The following WWOX variants were observed in gnomAD, a reference collection of about 807,000 sequenced individuals.
The protein encoded by WWOX is WW domain-containing oxidoreductase.
Under a neutral mutation model 46.2 loss-of-function variants are expected in WWOX, and 69 were observed. That is an observed-to-expected ratio of 1.49 (90% CI 1.23 to 1.82). WWOX has a LOEUF of 1.82. WWOX is among the 40% of genes most tolerant of loss of function. WWOX has a pLI of 0.00. For missense variants in WWOX, 919 were observed against 542.6 expected, an observed-to-expected ratio of 1.69 and a Z score of -6.89; for synonymous variants, 359 against 202.6, an observed-to-expected ratio of 1.77 and a Z score of -6.56.
In WWOX at chr16:79,100,829, A is replaced by G. The variant is rs565110077; in HGVS notation, c.1057-110779A>G. On this transcript the variant is annotated intron_variant, in intron 8 of 8. Transcript: ENST00000566780. ...ATTTTCCAGTCTCCCCGTGGAGCAC[A>G]CGAGATCCTTTTAGAGCAGAGGGCA... Among the ~76,000 whole-genome samples the G allele has an allele frequency of 2.0e-5, 3 of 152,144 alleles. No individual in the cohort carries two copies. The South Asian group carries it at 6.2e-4, about 32-fold the overall frequency.
At chr16:78,322,778 C>T (rs1295462429) in intron 5 of WWOX, among the ~76,000 whole-genome samples, 1 of 152,180 alleles carries the variant, frequency 6.6e-6, no homozygotes, top group Non-Finnish European at 1.5e-5. Flanking sequence ...GCAACTGTTC[C>T]ACTTTGTCAC....
intron 8 of WWOX, among the ~76,000 whole-genome samples, chr16:78,544,518 C>T (rs1432707372): frequency 5.9e-5 from 9 of 152,126 alleles, no homozygotes; most frequent in Non-Finnish European, 1.3e-4. Context: ...TTGTAATTCC[C>T]ATGCAGAACT....
chr16:78,110,078 A>G (rs2032402083), intron 3 of WWOX, among the ~76,000 whole-genome samples: 1 of 151,744 alleles, frequency 6.6e-6, no homozygotes. Flanking sequence ...ATGGTGGCTC[A>G]TGCCTGTAAT....
intron 8 of WWOX, among the ~76,000 whole-genome samples, chr16:78,734,646 C>G (rs1279529428): frequency 6.6e-6 from 1 of 151,828 alleles, no homozygotes; most frequent in Non-Finnish European, 1.5e-5. Context: ...CATGTTTGGT[C>G]AAACATCACT....
intron 8 of WWOX, among the ~76,000 whole-genome samples, chr16:78,870,433 A>G (rs919029520): frequency 2.6e-5 from 4 of 152,018 alleles, no homozygotes; most frequent in African/African-American, 9.7e-5. Context: ...ATGACCTGCC[A>G]TCATGGGGAT....
chr16:79,149,990 C>A (rs1221994322), intron 8 of WWOX, among the ~76,000 whole-genome samples: 1 of 152,104 alleles, frequency 6.6e-6, no homozygotes, highest in East Asian at 1.9e-4. Flanking sequence ...CACAAAAGAG[C>A]CCATTTATGT....
intron 4 of WWOX, among the ~76,000 whole-genome samples, chr16:78,127,272 C>A (rs182285200): frequency 6.6e-6 from 1 of 152,124 alleles, no homozygotes; most frequent in African/African-American, 2.4e-5. Flanking sequence ...CGTTTAATAA[C>A]GTGTAGCCAT....
At chr16:78,533,410 C>G (rs1215247836) in intron 8 of WWOX, among the ~76,000 whole-genome samples, 1 of 52,028 alleles carries the variant, frequency 1.9e-5, no homozygotes. Flanking sequence ...TGTTGATGAG[C>G]TAAAAAAAAA....
intron 5 of WWOX, among the ~76,000 whole-genome samples, chr16:78,299,944 G>A (rs2080010600): frequency 6.6e-6 from 1 of 152,158 alleles, no homozygotes; most frequent in South Asian, 2.1e-4. Context: ...GGACCATCTT[G>A]CCGAGTCCAA....
At chr16:78,403,421 A>T (rs966154103) in intron 6 of WWOX, among the ~76,000 whole-genome samples, 7 of 152,254 alleles carry the variant, frequency 4.6e-5, no homozygotes, top group African/African-American at 1.7e-4. Context: ...TGCATCCATG[A>T]TACTGCAGAA....
At chr16:78,626,733 A>G (rs1486664577) in intron 8 of WWOX, among the ~76,000 whole-genome samples, 2 of 152,132 alleles carry the variant, frequency 1.3e-5, no homozygotes, top group Admixed American at 6.5e-5. Context: ...TCGAGGGTAG[A>G]GTATCTGCAT....
chr16:78,235,418 C>G lies in WWOX; in HGVS notation c.516+71129C>G, dbSNP rs563310960. On this transcript the variant is annotated intron_variant, in intron 5 of 8. Coordinates refer to ENST00000566780, the MANE Select transcript of WWOX (RefSeq NM_016373.4). ...AGGGAGTGGAGGTGCACTCAGGATG[C>G]TCTTGGGGAATCATAAAGGAGGTTA... Among the ~76,000 whole-genome samples, 97 of 152,216 alleles carry G rather than the reference C, an allele frequency of 6.4e-4. 1 individual carries two copies. Among genetic ancestry groups the G allele is most frequent in the African/African-American group, 2.3e-3 (95 of 41,532 alleles).
chr16:78,461,386 C>G (rs1480268485), intron 8 of WWOX, among the ~76,000 whole-genome samples: 1 of 151,542 alleles, frequency 6.6e-6, no homozygotes, highest in Non-Finnish European at 1.5e-5. Context: ...AACAAACAAA[C>G]AAAAAATAGG....
intron 8 of WWOX, among the ~76,000 whole-genome samples, chr16:78,530,044 C>T (rs1037761495): frequency 6.6e-6 from 1 of 152,136 alleles, no homozygotes; most frequent in African/African-American, 2.4e-5. Flanking sequence ...ACTGCACTCA[C>T]TTGAACCCCC....
At chr16:78,659,535 C>G (rs2047164108) in intron 8 of WWOX, among the ~76,000 whole-genome samples, 2 of 151,868 alleles carry the variant, frequency 1.3e-5, no homozygotes, top group South Asian at 2.1e-4. Context: ...TCAAAAATGC[C>G]AGATAAGAAA....
chr16:78,597,232 G>A (rs1416463562), intron 8 of WWOX, among the ~76,000 whole-genome samples: 10 of 152,208 alleles, frequency 6.6e-5, no homozygotes, highest in African/African-American at 2.2e-4. Context: ...GTCCATAGGT[G>A]CTGTTTCCAT....
chr16:78,151,726 C>T (rs2034414320), intron 4 of WWOX, among the ~76,000 whole-genome samples: 3 of 152,192 alleles, frequency 2.0e-5, no homozygotes. Context: ...CTATAGCAGG[C>T]ATGTATGCAT....
chr16:79,141,559 C>G (rs961509095), intron 8 of WWOX, among the ~76,000 whole-genome samples: 1 of 152,206 alleles, frequency 6.6e-6, no homozygotes, highest in African/African-American at 2.4e-5. Context: ...TTTACCAGCT[C>G]TTTGGCTTTG....
At chr16:78,788,558 T>A (rs182203728) in intron 8 of WWOX, among the ~76,000 whole-genome samples, 15 of 152,342 alleles carry the variant, frequency 9.8e-5, no homozygotes, top group Admixed American at 2.6e-4. Flanking sequence ...AGGAGGTTCC[T>A]GGAGCGTGGC....
Sources: gnomAD v4.1 joint callset for allele counts (sites outside exome capture counted in the v4.1 genomes callset) on GRCh38, gnomAD v4.1.1 for gene constraint, MANE v1.5 for transcripts, NCBI Gene and HGNC (gene_info 2026-07-23, HGNC 2026-07-21) for gene names.